The following ATP8A1 variants were observed in gnomAD, a reference collection of about 807,000 sequenced individuals.
ATP8A1 encodes ATPase phospholipid transporting 8A1, also known as phospholipid-transporting ATPase IA.
A neutral mutation model predicts 177.7 loss-of-function variants in ATP8A1; 90 were observed. The observed-to-expected ratio is 0.51, with a 90% CI of 0.43 to 0.60. ATP8A1 has a LOEUF of 0.60. ATP8A1 is among the 20% of genes least tolerant of loss of function. ATP8A1 has a pLI of 0.00. For synonymous variants in ATP8A1, 493 were observed against 485.9 expected (o/e 1.01, Z -0.19); for missense variants, 1,072 against 1,392.8 (o/e 0.77, Z 3.67).
chr4:42,428,926 G>C (rs1227073207), intron 33 of ATP8A1, among the ~76,000 whole-genome samples: 1 of 151,984 alleles, frequency 6.6e-6, no homozygotes, highest in Non-Finnish European at 1.5e-5. Flanking sequence ...CCGTTATGTT[G>C]GCACCTATCA....
intron 4 of ATP8A1, among the ~76,000 whole-genome samples, chr4:42,622,975 C>T (rs1437505308): frequency 1.4e-5 from 2 of 144,410 alleles, no homozygotes; most frequent in Non-Finnish European, 3.0e-5. Flanking sequence ...CACCACTGCA[C>T]TCCAGCCTGG....
rs369437648 is a variant in ATP8A1, at chr4:42,452,563, G to C, written c.2818-504C>G. ...GGTATCAAGATATATACTCGTTATA[G>C]CCAGTATTATATAATCATACAAATA... On this transcript the variant is annotated intron_variant, in intron 29 of 36. Coordinates refer to ENST00000381668, the MANE Select transcript of ATP8A1 (RefSeq NM_006095.2). 4.6e-5 allele frequency among the ~76,000 whole-genome samples: 7 copies of C among 152,082 alleles called. No individual in the cohort carries two copies. The East Asian group carries it at 9.6e-4, about 21-fold the overall frequency.
intron 6 of ATP8A1, among the ~76,000 whole-genome samples, chr4:42,592,986 G>C (rs1191978748): frequency 2.0e-5 from 3 of 152,068 alleles, no homozygotes; most frequent in Non-Finnish European, 4.4e-5. Context: ...AAACTGAATG[G>C]ACACCATTCT....
intron 20 of ATP8A1, among the ~76,000 whole-genome samples, chr4:42,526,589 T>C (rs1169495038): frequency 6.6e-6 from 1 of 152,178 alleles, no homozygotes; most frequent in Admixed American, 6.5e-5. Flanking sequence ...TCCTTGAACA[T>C]CGGACTCCAA....
At chr4:42,447,177 G>A (rs1717365432) in intron 30 of ATP8A1, among the ~76,000 whole-genome samples, 1 of 152,040 alleles carries the variant, frequency 6.6e-6, no homozygotes, top group South Asian at 2.1e-4. Context: ...AACAAACGTG[G>A]CTTTATTTCT....
At chr4:42,485,411 G>T in intron 25 of ATP8A1, 85 bp downstream of exon 25, 1 of 1,272,688 alleles carries the variant, frequency 7.9e-7, no homozygotes, top group Non-Finnish European at 1.1e-6. Context: ...TGTAAACTCT[G>T]GATTACTTTC....
At chr4:42,444,524 G>A (rs944455721) in intron 32 of ATP8A1, 54 bp downstream of exon 32, 109 of 1,525,300 alleles carry the variant, frequency 7.1e-5, no homozygotes, top group Middle Eastern at 5.0e-4. Flanking sequence ...CAAGACTGGA[G>A]ATAATGCACA....
chr4:42,484,013 A>T (rs996968967), intron 25 of ATP8A1, among the ~76,000 whole-genome samples: 6 of 152,234 alleles, frequency 3.9e-5, no homozygotes, highest in African/African-American at 1.4e-4. Flanking sequence ...GCCAGCAATC[A>T]TAACACTTGT....
At chr4:42,557,902 G>T (rs879608068) in intron 15 of ATP8A1, among the ~76,000 whole-genome samples, 2 of 151,888 alleles carry the variant, frequency 1.3e-5, no homozygotes, top group Non-Finnish European at 1.5e-5. Flanking sequence ...AATTAGTCAG[G>T]TGTGGTCCCA....
intron 35 of ATP8A1, among the ~76,000 whole-genome samples, chr4:42,420,077 A>C (rs1713714905): frequency 6.6e-6 from 1 of 152,214 alleles, no homozygotes; most frequent in Non-Finnish European, 1.5e-5. Flanking sequence ...ATTCTCCAAG[A>C]TTCCTAAAAT....
At chr4:42,575,522 T>G (rs1577622955) in intron 13 of ATP8A1, 100 bp downstream of exon 13, 3 of 901,772 alleles carry the variant, frequency 3.3e-6, no homozygotes, top group East Asian at 2.5e-5. Flanking sequence ...TAGTGGAAAA[T>G]TAAAAGCTGT....
chr4:42,448,996 T>C (rs1209958433), intron 30 of ATP8A1, among the ~76,000 whole-genome samples: 2 of 151,610 alleles, frequency 1.3e-5, no homozygotes, highest in African/African-American at 2.4e-5. Flanking sequence ...CCTCCACACC[T>C]GGCTAATTTT....
At chr4:42,564,884 C>T (rs1202577999) in intron 15 of ATP8A1, among the ~76,000 whole-genome samples, 6 of 152,112 alleles carry the variant, frequency 3.9e-5, no homozygotes, top group African/African-American at 9.7e-5. Flanking sequence ...TGAATTCCCA[C>T]GTGTTATAGG....
chr4:42,442,289 TC>T (rs1428286963), intron 33 of ATP8A1, among the ~76,000 whole-genome samples: 1 of 152,186 alleles, frequency 6.6e-6, no homozygotes, highest in Non-Finnish European at 1.5e-5. Context: ...GAAAGGCAGG[TC>T]CAATGAGACA....
At chr4:42,557,354 G>C (rs532559399) in intron 15 of ATP8A1, among the ~76,000 whole-genome samples, 20 of 152,200 alleles carry the variant, frequency 1.3e-4, no homozygotes, top group African/African-American at 4.8e-4. Flanking sequence ...ATTAAAAAGA[G>C]TTCATTACTT....
intron 10 of ATP8A1, among the ~76,000 whole-genome samples, chr4:42,580,795 T>C (rs1732956458): frequency 6.6e-6 from 1 of 152,164 alleles, no homozygotes. Context: ...ATTGATGGTA[T>C]AACACAGGGA....
At chr4:42,490,580 C>T (rs1055914782) in intron 24 of ATP8A1, among the ~76,000 whole-genome samples, 3 of 152,206 alleles carry the variant, frequency 2.0e-5, no homozygotes, top group African/African-American at 7.2e-5. Flanking sequence ...TCCTTAACCT[C>T]AAAACTTCCC....
chr4:42,537,732 C>T (rs13150880), intron 20 of ATP8A1, among the ~76,000 whole-genome samples: 15,294 of 152,208 alleles, frequency 0.1, 943 homozygotes, highest in Middle Eastern at 0.18. Flanking sequence ...ACAAGGAAAA[C>T]TACAAAACAC....
intron 34 of ATP8A1, among the ~76,000 whole-genome samples, chr4:42,423,118 CCATA>C (rs1714184648): frequency 6.6e-6 from 1 of 151,364 alleles, no homozygotes; most frequent in Non-Finnish European, 1.5e-5. Flanking sequence ...ATTGAAACTC[CCATA>C]GTTATTTAAA....
Sources: gnomAD v4.1 joint callset for allele counts (sites outside exome capture counted in the v4.1 genomes callset) on GRCh38, gnomAD v4.1.1 for gene constraint, MANE v1.5 for transcripts, NCBI Gene and HGNC (gene_info 2026-07-23, HGNC 2026-07-21) for gene names.